SEPTIN2: variants seen among roughly 807,000 people sequenced by gnomAD.
The protein encoded by SEPTIN2 is septin-2.
A neutral mutation model predicts 46.5 loss-of-function variants in SEPTIN2; 34 were observed. The observed-to-expected ratio is 0.73, with a 90% CI of 0.56 to 0.97. The LOEUF is 0.97. SEPTIN2 is among the 50% of genes least tolerant of loss of function. The pLI is 0.00. For synonymous variants in SEPTIN2, 175 were observed against 153.4 expected (o/e 1.14, Z -1.04); for missense variants, 347 against 448.4 (o/e 0.77, Z 2.04).
intron 2 of SEPTIN2, 75 bp from the exon 3 acceptor site, chr2:241,325,918 C>A: frequency 7.2e-7 from 1 of 1,391,486 alleles, no homozygotes; most frequent in Non-Finnish European, 9.8e-7. Context: ...ATGTTTGTTT[C>A]ATGTCTAACT....
At chr2:241,337,307 C>T (rs1408882413) in intron 5 of SEPTIN2, 75 bp from the exon 6 acceptor site, 4 of 1,315,912 alleles carry the variant, frequency 3.0e-6, no homozygotes, top group Non-Finnish European at 4.2e-6. Flanking sequence ...GGCGGAGGCA[C>T]TTGTTTTCCC....
intron 1 of SEPTIN2, chr2:241,316,505 G>A: frequency 6.6e-7 from 1 of 1,513,684 alleles, no homozygotes; most frequent in East Asian, 2.5e-5. Flanking sequence ...ACTAGGCCCT[G>A]TCTGCGGGTA....
chr2:241,338,274 G>A (rs146133027), intron 7 of SEPTIN2, among the ~76,000 whole-genome samples: 1,733 of 152,172 alleles, frequency 0.011, 16 homozygotes, highest in Non-Finnish European at 0.019. Flanking sequence ...TGCCTCTTCC[G>A]TGTATGTCTG....
Position 241,337,533 on chromosome 2 carries a change from C to T in SEPTIN2, c.476+17C>T, listed in dbSNP as rs377449019. 4.3e-5 allele frequency: 69 copies of T among 1,612,114 alleles called. No individual in the cohort carries two copies. In the Middle Eastern group the frequency reaches 1.2e-3, roughly 27 times the overall value. On this transcript the variant is annotated intron_variant, in intron 6 of 12. Transcript: ENST00000391971. ...TGGACATGGGTAAGTAATTGTTTAT[C>T]GTGGAGAAATGCTTTACTACATGGG... is the stretch of plus-strand genomic sequence containing the variant.
At chr2:241,321,350 A>G (rs1024536305) in intron 1 of SEPTIN2, among the ~76,000 whole-genome samples, 2 of 152,124 alleles carry the variant, frequency 1.3e-5, no homozygotes, top group Admixed American at 1.3e-4. Flanking sequence ...AGGCTTATGA[A>G]TATTACATCT....
chr2:241,344,924 C>T (rs2081799387), intron 9 of SEPTIN2, among the ~76,000 whole-genome samples: 1 of 151,788 alleles, frequency 6.6e-6, no homozygotes, highest in Non-Finnish European at 1.5e-5. Context: ...CCAGCCTGGC[C>T]AACATGGTGA....
intron 11 of SEPTIN2, among the ~76,000 whole-genome samples, chr2:241,349,607 G>T (rs1276486517): frequency 6.6e-6 from 1 of 152,052 alleles, no homozygotes; most frequent in African/African-American, 2.4e-5. Flanking sequence ...TGGATCACGA[G>T]GTCAGGAGTT....
chr2:241,337,511 A>G lies in SEPTIN2; in HGVS notation c.471A>G (p.Gly157=). The G allele has an allele frequency of 1.9e-6, 3 of 1,613,838 alleles. No individual in the cohort carries two copies. The highest frequency in any genetic ancestry group is 2.5e-6 in the Non-Finnish European group (3 of 1,179,844). The part of the protein sequence containing the change: ...HCCFYFISPF[G]HGLKPLDVAF... ...GCTTTTACTTTATTTCACCTTTTGGACATGGGTAAGTAATTGTTTATCGTG... is the reference window on the plus strand; with the variant it reads ...GCTTTTACTTTATTTCACCTTTTGGGCATGGGTAAGTAATTGTTTATCGTG... Residue 157 remains glycine (G), a synonymous_variant, in exon 6 of 13, where the codon GGA becomes GGG. Transcript: ENST00000391971.
chr2:241,332,366 T>C (rs1337228489), intron 3 of SEPTIN2, among the ~76,000 whole-genome samples: 4 of 152,192 alleles, frequency 2.6e-5, no homozygotes, highest in Non-Finnish European at 5.9e-5. Context: ...GCAAAAGATC[T>C]GAATAGACAT....
chr2:241,338,817 T>TTATTTATATATAATACATATTATATTTA (rs1559643130), intron 7 of SEPTIN2, among the ~76,000 whole-genome samples: 2 of 104,102 alleles, frequency 1.9e-5, no homozygotes, highest in African/African-American at 4.4e-5. Context: ...TATATTTATA[T>TTATTTATATATAATACATATTATATTTA]TATTTATATA....
At chr2:241,340,431 A>G (rs376780569) in intron 7 of SEPTIN2, among the ~76,000 whole-genome samples, 35 of 152,228 alleles carry the variant, frequency 2.3e-4, no homozygotes, top group African/African-American at 7.7e-4. Context: ...TTCCAAAGCA[A>G]TTTTTAAGCA....
At chr2:241,348,698 C>T (rs542276378) in intron 11 of SEPTIN2, among the ~76,000 whole-genome samples, 29 of 151,974 alleles carry the variant, frequency 1.9e-4, no homozygotes, top group Admixed American at 3.3e-4. Flanking sequence ...TGGATATTTA[C>T]ATAGCATACA....
At chr2:241,345,533 A>G (rs2081900326) in intron 9 of SEPTIN2, among the ~76,000 whole-genome samples, 1 of 152,234 alleles carries the variant, frequency 6.6e-6, no homozygotes, top group South Asian at 2.1e-4. Context: ...CTGAATCAAT[A>G]GGAACGTGTT....
intron 3 of SEPTIN2, among the ~76,000 whole-genome samples, chr2:241,334,086 G>A (rs1023779662): frequency 2.6e-5 from 4 of 152,020 alleles, no homozygotes; most frequent in Admixed American, 2.0e-4. Context: ...TTGCCCAGGC[G>A]GGGTCTTGAA....
chr2:241,324,553 A>AT, intron 2 of SEPTIN2: 2 of 412,248 alleles, frequency 4.9e-6, no homozygotes, highest in Non-Finnish European at 4.6e-6. Context: ...ACGCTGGCTA[A>AT]TTTTTTGGAT....
At chr2:241,319,796 G>T (rs1404085687) in intron 1 of SEPTIN2, among the ~76,000 whole-genome samples, 1 of 152,088 alleles carries the variant, frequency 6.6e-6, no homozygotes, top group Admixed American at 6.5e-5. Context: ...GTTTCACCAT[G>T]TTGTCCAGAC....
At chr2:241,330,763 A>G (rs770147711) in intron 3 of SEPTIN2, among the ~76,000 whole-genome samples, 11 of 152,284 alleles carry the variant, frequency 7.2e-5, no homozygotes, top group South Asian at 2.1e-4. Flanking sequence ...AATGGAGTTT[A>G]TCTTAGGAAT....
intron 3 of SEPTIN2, among the ~76,000 whole-genome samples, chr2:241,330,386 G>A (rs140543814): frequency 2.0e-5 from 3 of 152,316 alleles, no homozygotes; most frequent in East Asian, 1.9e-4. Context: ...CACCATAGAA[G>A]CCCTGAGGTT....
chr2:241,328,751 G>T (rs984924068), intron 3 of SEPTIN2, among the ~76,000 whole-genome samples: 3 of 140,788 alleles, frequency 2.1e-5, no homozygotes, highest in Non-Finnish European at 4.6e-5. Context: ...TCAAAACACG[G>T]TGGCTCACGC....
Sources: gnomAD v4.1 joint callset for allele counts (sites outside exome capture counted in the v4.1 genomes callset) on GRCh38, gnomAD v4.1.1 for gene constraint, MANE v1.5 for transcripts, NCBI Gene and HGNC (gene_info 2026-07-23, HGNC 2026-07-21) for gene names.